CACNA1B: variants seen among roughly 807,000 people sequenced by gnomAD.
CACNA1B encodes calcium voltage-gated channel subunit alpha1 B, also known as voltage-dependent N-type calcium channel subunit alpha-1B.
CACNA1B carries 70 observed loss-of-function variants against 247.2 expected under a neutral mutation model. The observed-to-expected ratio is 0.28, with a 90% CI of 0.23 to 0.35. The LOEUF (loss-of-function observed/expected upper bound fraction) is 0.35. CACNA1B is among the 10% of genes least tolerant of loss of function. The probability of loss-of-function intolerance (pLI) is 1.00; values close to 1 mark genes in which losing one functional copy is unlikely to be tolerated. For synonymous variants in CACNA1B, 1,231 were observed against 1,294.4 expected, an observed-to-expected ratio of 0.95 and a Z score of 1.05; for missense variants, 2,367 against 3,197.4, an observed-to-expected ratio of 0.74 and a Z score of 6.26.
At chr9:138,046,032 CT>C (rs1959182960) in intron 21 of CACNA1B, among the ~76,000 whole-genome samples, 2 of 152,192 alleles carry the variant, frequency 1.3e-5, no homozygotes, top group Admixed American at 6.5e-5. Flanking sequence ...ACGGCTGCCT[CT>C]TCTGGTCCCC....
intron 3 of CACNA1B, among the ~76,000 whole-genome samples, chr9:137,884,848 G>C (rs1433621839): frequency 6.6e-6 from 1 of 150,902 alleles, no homozygotes; most frequent in African/African-American, 2.4e-5. Context: ...ACATAGACTG[G>C]GTCCAGGGCT....
chr9:138,066,342 GA>G (rs1179964729), intron 31 of CACNA1B, among the ~76,000 whole-genome samples: 1 of 152,238 alleles, frequency 6.6e-6, no homozygotes, highest in African/African-American at 2.4e-5. Flanking sequence ...AGAACTTTGG[GA>G]GGCTGAGGTG....
At chr9:138,027,796 A>G (rs1958939338) in intron 20 of CACNA1B, among the ~76,000 whole-genome samples, 1 of 152,126 alleles carries the variant, frequency 6.6e-6, no homozygotes, top group African/African-American at 2.4e-5. Flanking sequence ...CCAAGTGGTT[A>G]TTATATTTAT....
chr9:138,053,788 C>G, intron 25 of CACNA1B, 58 bp from the exon 26 acceptor site: 1 of 1,339,988 alleles, frequency 7.5e-7, no homozygotes, highest in Non-Finnish European at 1.1e-6. Flanking sequence ...CCCCTCATGG[C>G]CCCACTCTCC....
intron 37 of CACNA1B, among the ~76,000 whole-genome samples, chr9:138,097,410 G>C (rs1175458523): frequency 6.6e-6 from 1 of 152,120 alleles, no homozygotes; most frequent in Non-Finnish European, 1.5e-5. Context: ...CGGGAAGGAA[G>C]ACAGGTCAGG....
intron 6 of CACNA1B, among the ~76,000 whole-genome samples, chr9:137,932,578 A>G (rs1241798419): frequency 1.3e-5 from 2 of 152,210 alleles, no homozygotes; most frequent in African/African-American, 4.8e-5. Context: ...AAGTATCTTG[A>G]GTTGCCCCAG....
At chr9:138,106,491 T>C (rs951739834) in intron 39 of CACNA1B, among the ~76,000 whole-genome samples, 2 of 152,216 alleles carry the variant, frequency 1.3e-5, no homozygotes, top group Non-Finnish European at 2.9e-5. Flanking sequence ...AAAAGTTCGC[T>C]GGGCGCGGTG....
intron 18 of CACNA1B, chr9:138,017,010 T>A (rs1589070921): frequency 2.3e-6 from 1 of 434,336 alleles, no homozygotes; most frequent in Middle Eastern, 4.8e-4. Context: ...CGGACGCGTC[T>A]GCGGCCTCCT....
chr9:138,056,156 C>T (rs1036936869), intron 26 of CACNA1B, among the ~76,000 whole-genome samples: 1 of 152,138 alleles, frequency 6.6e-6, no homozygotes, highest in African/African-American at 2.4e-5. Flanking sequence ...CAGGTACATG[C>T]AAGCATCGCC....
rs1025797948 is a variant in CACNA1B, at chr9:137,974,053, T to C, written c.1544-1854T>C. Among the ~76,000 whole-genome samples the C allele has an allele frequency of 6.6e-6, 1 of 152,140 alleles. No homozygotes were observed. Among genetic ancestry groups the C allele is most frequent in the African/African-American group, 2.4e-5 (1 of 41,450 alleles). On this transcript the variant is annotated intron_variant, in intron 11 of 46. Transcript: ENST00000371372. This position sits in a 1 kb window ranked among gnomAD's most constrained non-coding sequence, Gnocchi z 4.5. ...TCGTGTGGGGAGCCCGAGGCCTTTG[T>C]GACCCACGCAGAGGGGCTCTGGGAC...
intron 6 of CACNA1B, among the ~76,000 whole-genome samples, chr9:137,936,565 C>A (rs543075002): frequency 2.0e-4 from 31 of 152,248 alleles, no homozygotes; most frequent in Admixed American, 1.6e-3. Flanking sequence ...ATGTCTATGT[C>A]CTGAATGGTA....
At chr9:138,067,815 A>T (rs750784215) in intron 31 of CACNA1B, among the ~76,000 whole-genome samples, 24 of 152,236 alleles carry the variant, frequency 1.6e-4, no homozygotes, top group South Asian at 6.2e-4. Context: ...CAGCAACTGT[A>T]CTCCTAGGCA....
chr9:137,952,227 CTG>C lies in CACNA1B; in HGVS notation c.967-43_967-42del. The C allele has an allele frequency of 6.7e-7, 1 of 1,491,086 alleles. No individual in the cohort carries two copies. Among genetic ancestry groups the C allele is most frequent in the Non-Finnish European group, 9.4e-7 (1 of 1,068,712 alleles). The allele number at this position is 1,491,086 out of a possible 1,614,324, so 92.4% of individuals were successfully genotyped here. A position where few individuals can be genotyped will look rare whatever the true frequency, so the allele number is the denominator to read the frequency against. On this transcript the variant is annotated intron_variant, in intron 6 of 46. Transcript: ENST00000371372. The surrounding 1 kb of genome is among the most constrained non-coding windows in gnomAD (Gnocchi z 4.8). The stretch of plus-strand genomic sequence containing the variant: ...GCTGGGGGTGCTCCTGTGGCCGGGA[CTG>C]TGTTTTGTCCCTGTCCTTCCTCATC...
At chr9:138,067,495 G>C (rs1959960669) in intron 31 of CACNA1B, among the ~76,000 whole-genome samples, 6 of 152,258 alleles carry the variant, frequency 3.9e-5, no homozygotes, top group Admixed American at 3.9e-4. Flanking sequence ...GAGGTCAGAA[G>C]TTCGAGACGA....
At chr9:137,929,910 T>C (rs543908327) in intron 6 of CACNA1B, among the ~76,000 whole-genome samples, 36 of 152,150 alleles carry the variant, frequency 2.4e-4, no homozygotes, top group African/African-American at 8.2e-4. Context: ...CTCCTCAGCC[T>C]CCGAAGTAGC....
rs1054768779 is a variant in CACNA1B at position 137,914,521 on chromosome 9, T to C, written c.623-133T>C. On this transcript the variant is annotated intron_variant, in intron 4 of 46. Coordinates refer to ENST00000371372, the MANE Select transcript of CACNA1B (RefSeq NM_000718.4). This position sits in a 1 kb window ranked among gnomAD's most constrained non-coding sequence, Gnocchi z 4.3. ...CTTAAGGGGCTTCAGCTCTATCCTTTGCCCTTGCAAGCACTCACTGCTTAG... is the reference window on the plus strand; with the variant it reads ...CTTAAGGGGCTTCAGCTCTATCCTTCGCCCTTGCAAGCACTCACTGCTTAG... 5.0e-5 allele frequency: 35 copies of C among 695,790 alleles called. No individual in the cohort carries two copies. The Admixed American group carries it at 8.1e-4, about 16-fold the overall frequency. The allele number at this position is 695,790 out of a possible 1,614,324, so 43.1% of individuals were successfully genotyped here. A position where few individuals can be genotyped will look rare whatever the true frequency, so the allele number is the denominator to read the frequency against.
At position 137,882,681 on chromosome 9, in the gene CACNA1B, G is replaced by A. The variant is rs531705877; in HGVS notation, c.391-63G>A. 626 of 1,599,638 alleles carry A rather than the reference G, an allele frequency of 3.9e-4. 4 individuals carry two copies. In the South Asian group the frequency reaches 5.6e-3, roughly 14 times the overall value. Reference sequence around the variant, plus strand: ...TGGTGGGGTGGGGTCCTCACCAACCGTCTCTGCCCGCTACTACACCGGGTA... The same window carrying A: ...TGGTGGGGTGGGGTCCTCACCAACCATCTCTGCCCGCTACTACACCGGGTA... On this transcript the variant is annotated intron_variant, in intron 2 of 46. Transcript: ENST00000371372. This position sits in a 1 kb window ranked among gnomAD's most constrained non-coding sequence, Gnocchi z 4.0.
intron 11 of CACNA1B, among the ~76,000 whole-genome samples, chr9:137,975,475 C>T (rs1471694418): frequency 6.6e-6 from 1 of 152,078 alleles, no homozygotes; most frequent in South Asian, 2.1e-4. Context: ...ACCCCACCTT[C>T]GGTCAGAGAT....
At chr9:137,979,316 C>T (rs1302626388) in intron 12 of CACNA1B, among the ~76,000 whole-genome samples, 2 of 152,176 alleles carry the variant, frequency 1.3e-5, no homozygotes, top group African/African-American at 2.4e-5. Flanking sequence ...GTGTCAAGCT[C>T]ATGCATTTGG....
Sources: gnomAD v4.1 joint callset for allele counts (sites outside exome capture counted in the v4.1 genomes callset) on GRCh38, gnomAD v4.1.1 for gene constraint, Gnocchi (gnomAD v3.1) non-coding constraint, MANE v1.5 for transcripts, NCBI Gene and HGNC (gene_info 2026-07-23, HGNC 2026-07-21) for gene names.